TNIK: variants seen among roughly 807,000 people sequenced by gnomAD.
The protein encoded by TNIK is TRAF2 and NCK interacting kinase.
In TNIK, 49 loss-of-function variants were observed where a neutral mutation model predicts 191.3. The ratio of observed to expected loss-of-function variants is 0.26; its 90% CI spans 0.20 to 0.32. The LOEUF is 0.32. Ranked by LOEUF, TNIK falls within the 10% of genes least tolerant of loss-of-function variation. The probability of loss-of-function intolerance (pLI) is 1.00; values close to 1 mark genes in which losing one functional copy is unlikely to be tolerated. For synonymous variants in TNIK, 594 were observed against 600.9 expected, an observed-to-expected ratio of 0.99 and a Z score of 0.17; for missense variants, 1,155 against 1,702.3, an observed-to-expected ratio of 0.68 and a Z score of 5.66.
intron 2 of TNIK, among the ~76,000 whole-genome samples, chr3:171,294,934 A>G (rs1165616779): frequency 1.3e-5 from 2 of 151,984 alleles, no homozygotes; most frequent in Non-Finnish European, 2.9e-5. Context: ...TCATTCAGAG[A>G]TTAAGGATGA....
At chr3:171,113,990 GATTTT>G (rs1255210938) in intron 18 of TNIK, among the ~76,000 whole-genome samples, 5 of 75,612 alleles carry the variant, frequency 6.6e-5, no homozygotes, top group African/African-American at 2.9e-4. Context: ...AGGATTTTAC[GATTTT>G]GTTAAAAAAA....
intron 2 of TNIK, among the ~76,000 whole-genome samples, chr3:171,343,048 G>A (rs780719587): frequency 5.6e-4 from 85 of 152,252 alleles, no homozygotes; most frequent in African/African-American, 1.2e-3. Flanking sequence ...AGTGTGAGTC[G>A]ATTAAACCTC....
chr3:171,103,129 G>A (rs1398100652), intron 21 of TNIK, among the ~76,000 whole-genome samples: 3 of 152,018 alleles, frequency 2.0e-5, no homozygotes, highest in South Asian at 2.1e-4. Context: ...GAATATGGAA[G>A]CTGCTAAAAA....
At chr3:171,258,942 C>A (rs543848667) in intron 2 of TNIK, among the ~76,000 whole-genome samples, 1 of 152,112 alleles carries the variant, frequency 6.6e-6, no homozygotes. Context: ...GACACATGTG[C>A]GCGCACACAC....
chr3:171,296,708 GAAGAT>G (rs1316336104), intron 2 of TNIK, among the ~76,000 whole-genome samples: 4 of 152,164 alleles, frequency 2.6e-5, no homozygotes, highest in African/African-American at 4.8e-5. Flanking sequence ...GATAATTATT[GAAGAT>G]AAGTAAGGTA....
At position 171,084,235 on chromosome 3, in the gene TNIK, A is replaced by G; in HGVS notation, c.3089T>C (p.Ile1030Thr). The G allele has an allele frequency of 6.2e-7, 1 of 1,613,764 alleles. No homozygotes were observed. ...ISVVNVNPTN[I>T]RPHSDTPEIR... Reference sequence around the variant, plus strand: ...TTCTGGTGTGTCGCTATGAGGCCGAATGTTGGTTGGGTTTACATTTACCAC... The same window carrying G: ...TTCTGGTGTGTCGCTATGAGGCCGAGTGTTGGTTGGGTTTACATTTACCAC... Residue 1030 changes from isoleucine (I) to threonine (T), a missense_variant, in exon 26 of 33, where the codon ATT becomes ACT. Around this residue, in one of 3 missense-constraint regions of TNIK, gnomAD observed 195 missense variants for 415.4 expected, o/e 0.47. Transcript: ENST00000436636.
At chr3:171,119,099 G>GA (rs1276204449) in intron 18 of TNIK, among the ~76,000 whole-genome samples, 6 of 151,944 alleles carry the variant, frequency 3.9e-5, no homozygotes, top group African/African-American at 1.5e-4. Context: ...AAATTTATAA[G>GA]AAAAAAACAA....
At chr3:171,205,862 G>A (rs1201932621) in intron 4 of TNIK, among the ~76,000 whole-genome samples, 1 of 152,104 alleles carries the variant, frequency 6.6e-6, no homozygotes, top group East Asian at 1.9e-4. Context: ...GAGCTCTCTG[G>A]GTTCTTTTTA....
intron 4 of TNIK, among the ~76,000 whole-genome samples, chr3:171,208,129 G>A (rs1485903798): frequency 1.3e-5 from 2 of 152,160 alleles, no homozygotes; most frequent in Non-Finnish European, 2.9e-5. Context: ...CTGGGAGTTT[G>A]AGACCAGCCT....
At chr3:171,183,186 C>T (rs551407576) in intron 7 of TNIK, among the ~76,000 whole-genome samples, 100 of 152,258 alleles carry the variant, frequency 6.6e-4, no homozygotes, top group African/African-American at 2.0e-3. Flanking sequence ...AGGAAGCAAA[C>T]AGGAAAACGT....
intron 3 of TNIK, among the ~76,000 whole-genome samples, chr3:171,224,245 A>T (rs1742710630): frequency 6.6e-6 from 1 of 152,188 alleles, no homozygotes. Context: ...CATACAAGCT[A>T]GTAAATTCCC....
chr3:171,206,634 C>T (rs1355500941), intron 4 of TNIK, among the ~76,000 whole-genome samples: 5 of 152,092 alleles, frequency 3.3e-5, no homozygotes, highest in East Asian at 1.9e-4. Flanking sequence ...TCCAACCAAG[C>T]TAAAGTGTTA....
chr3:171,417,821 CT>C (rs1723284762), intron 1 of TNIK, among the ~76,000 whole-genome samples: 1 of 152,210 alleles, frequency 6.6e-6, no homozygotes, highest in South Asian at 2.1e-4. Flanking sequence ...CAAGCTTTCT[CT>C]AAGGCTGCAT....
intron 2 of TNIK, among the ~76,000 whole-genome samples, chr3:171,282,951 G>T (rs1033957447): frequency 3.9e-5 from 6 of 152,180 alleles, no homozygotes; most frequent in African/African-American, 1.2e-4. Flanking sequence ...GCTCCTTACA[G>T]CCTGGGCCCG....
In TNIK at chr3:171,085,115, T is replaced by C. The variant is rs1721172806; in HGVS notation, c.2998+3A>G. The C allele has an allele frequency of 6.2e-7, 1 of 1,602,518 alleles. No homozygotes were observed. The highest frequency in any genetic ancestry group is 8.5e-7 in the Non-Finnish European group (1 of 1,174,330). ...TTTTAAACACAGGGCCCTTCTTGCT[T>C]ACCTGCGGCTGATGATTCCTCATCC... On this transcript the variant is annotated splice_donor_region_variant and intron_variant, in intron 25 of 32. Coordinates refer to ENST00000436636, the MANE Select transcript of TNIK (RefSeq NM_015028.4).
intron 2 of TNIK, among the ~76,000 whole-genome samples, chr3:171,306,783 G>A (rs1384349279): frequency 2.0e-5 from 3 of 152,064 alleles, no homozygotes; most frequent in Non-Finnish European, 2.9e-5. Context: ...TAGGGAAAAC[G>A]TGTTCTCTGT....
chr3:171,458,344 G>C (rs941293508), intron 1 of TNIK, among the ~76,000 whole-genome samples: 2 of 152,058 alleles, frequency 1.3e-5, no homozygotes, highest in Non-Finnish European at 2.9e-5. Context: ...CGCTGCGCAG[G>C]GGGCAGCCGG....
intron 2 of TNIK, among the ~76,000 whole-genome samples, chr3:171,342,800 T>G (rs1466119226): frequency 1.3e-5 from 2 of 152,224 alleles, no homozygotes; most frequent in Admixed American, 1.3e-4. Flanking sequence ...AATCTCATAT[T>G]GAATTGTAGC....
chr3:171,249,983 C>T (rs1214589662), intron 2 of TNIK, among the ~76,000 whole-genome samples: 2 of 152,190 alleles, frequency 1.3e-5, no homozygotes, highest in Admixed American at 6.5e-5. Context: ...GGTGCTACTA[C>T]CACCCCCATT....
Sources: allele counts gnomAD v4.1 joint callset (sites outside exome capture counted in the v4.1 genomes callset), GRCh38; gene constraint gnomAD v4.1.1; regional missense constraint gnomAD v4.1.1; transcripts MANE v1.5; gene names NCBI Gene and HGNC (gene_info 2026-07-23, HGNC 2026-07-21).